CEP126: variants seen among roughly 807,000 people sequenced by gnomAD.
CEP126 encodes the protein centrosomal protein 126, also known as centrosomal protein of 126 kDa.
Under a neutral mutation model 107.8 loss-of-function variants are expected in CEP126, and 74 were observed. The observed-to-expected ratio is 0.69, with a 90% CI of 0.57 to 0.83. The LOEUF (loss-of-function observed/expected upper bound fraction) is 0.83, where lower values mean the gene tolerates loss of function less well. Ranked by LOEUF, CEP126 falls within the 40% of genes least tolerant of loss-of-function variation. CEP126 has a pLI of 0.00. For synonymous variants in CEP126, 449 were observed against 446.0 expected (o/e 1.01, Z -0.08); for missense variants, 1,237 against 1,281.9 (o/e 0.96, Z 0.53).
chr11:101,953,202 C>G (rs973661552), intron 4 of CEP126, among the ~76,000 whole-genome samples: 1 of 152,164 alleles, frequency 6.6e-6, no homozygotes, highest in African/African-American at 2.4e-5. Flanking sequence ...CTCGAGGAAA[C>G]TCAAAACTAT....
chr11:101,938,069 C>T (rs536360472), intron 2 of CEP126, among the ~76,000 whole-genome samples: 4 of 148,192 alleles, frequency 2.7e-5, no homozygotes, highest in South Asian at 4.3e-4. Context: ...AGGAGAATGG[C>T]GTGAACCCGG....
At chr11:101,995,357 A>C (rs1941430390) in intron 10 of CEP126, among the ~76,000 whole-genome samples, 1 of 152,234 alleles carries the variant, frequency 6.6e-6, no homozygotes, top group Non-Finnish European at 1.5e-5. Flanking sequence ...CTTCACATAG[A>C]AACATGAACA....
intron 7 of CEP126, among the ~76,000 whole-genome samples, chr11:101,979,928 TCTGA>T (rs1390310781): frequency 6.6e-6 from 1 of 152,144 alleles, no homozygotes; most frequent in Non-Finnish European, 1.5e-5. Context: ...TAAATATCAC[TCTGA>T]CTTTTTTTAA....
At chr11:101,940,661 G>A (rs1940650448) in intron 2 of CEP126, among the ~76,000 whole-genome samples, 1 of 152,198 alleles carries the variant, frequency 6.6e-6, no homozygotes, top group Non-Finnish European at 1.5e-5. Flanking sequence ...TCAGTCACAT[G>A]TCTTGTGCTA....
chr11:101,982,437 A>C (rs1387927834), intron 8 of CEP126, among the ~76,000 whole-genome samples: 1 of 152,196 alleles, frequency 6.6e-6, no homozygotes, highest in Admixed American at 6.5e-5. Context: ...TTTGCTATAG[A>C]CAGAAAAATA....
chr11:101,916,761 A>G (rs1040006828), intron 1 of CEP126, among the ~76,000 whole-genome samples: 1 of 152,174 alleles, frequency 6.6e-6, no homozygotes, highest in African/African-American at 2.4e-5. Flanking sequence ...TATTTTCATT[A>G]ATAAAATGGT....
intron 6 of CEP126, among the ~76,000 whole-genome samples, chr11:101,968,988 AT>A (rs1261274764): frequency 2.0e-5 from 3 of 152,062 alleles, no homozygotes; most frequent in Non-Finnish European, 2.9e-5. Flanking sequence ...TTTAACACAG[AT>A]TTTTTAATGT....
In CEP126 at chr11:101,922,765, GTAAT is replaced by G; in HGVS notation, c.248+7_248+10del. 1 of 1,607,704 alleles carries G rather than the reference GTAAT, an allele frequency of 6.2e-7. No homozygotes were observed. The highest frequency in any genetic ancestry group is 1.3e-5 in the African/African-American group (1 of 74,828). Reference sequence around the variant, plus strand: ...GGAGTCAAATCGGAGAAAAAAGTAAGTAATTGCACTTTATTCAGAAGTATAGAAA... The same window carrying G: ...GGAGTCAAATCGGAGAAAAAAGTAAGTGCACTTTATTCAGAAGTATAGAAA... On this transcript the variant is annotated splice_donor_region_variant and intron_variant, in intron 2 of 10. Coordinates refer to ENST00000263468, the MANE Select transcript of CEP126 (RefSeq NM_020802.4).
intron 6 of CEP126, among the ~76,000 whole-genome samples, chr11:101,974,794 T>A (rs1326365400): frequency 1.3e-5 from 2 of 152,204 alleles, no homozygotes; most frequent in African/African-American, 4.8e-5. Context: ...AGGTAATATT[T>A]AAGCACATGT....
rs1448417575 is a variant in CEP126 at position 101,961,937 on chromosome 11, T to A, written c.902T>A (p.Leu301Gln). Residue 301 changes from leucine (L) to glutamine (Q), a missense_variant, in exon 6 of 11, where the codon CTG (leucine) becomes CAG (glutamine). Around this residue, in one of 3 missense-constraint regions of CEP126, gnomAD observed 1,134 missense variants for 1,150.5 expected, o/e 0.99. Coordinates refer to ENST00000263468, the MANE Select transcript of CEP126 (RefSeq NM_020802.4). ...TNLSCFDEDK[L>Q]AFSKTQHINN... ...CTCAGCTGCTTTGATGAAGATAAAC[T>A]GGCATTCTCTAAAACTCAACATATA... 2 of 1,611,524 alleles carry A rather than the reference T, an allele frequency of 1.2e-6. No individual in the cohort carries two copies. Among genetic ancestry groups the A allele is most frequent in the Non-Finnish European group, 1.7e-6 (2 of 1,179,006 alleles).
Position 101,997,683 on chromosome 11 carries a change from C to A in CEP126, c.*40C>A. The stretch of plus-strand genomic sequence containing the variant: ...GTCTAAGAAGACCTTTCATGTACTT[C>A]CCTAGGACTAGATGCATACCGTTTT... On this transcript the variant is annotated 3_prime_UTR_variant, in exon 11 of 11. Transcript: ENST00000263468. The A allele has an allele frequency of 1.9e-6, 3 of 1,613,402 alleles. No individual in the cohort carries two copies. Among genetic ancestry groups the A allele is most frequent in the Non-Finnish European group, 2.5e-6 (3 of 1,179,718 alleles).
intron 10 of CEP126, among the ~76,000 whole-genome samples, chr11:101,994,421 T>C (rs1941418882): frequency 6.6e-6 from 1 of 152,226 alleles, no homozygotes; most frequent in South Asian, 2.1e-4. Flanking sequence ...GCTTTTGATG[T>C]CTTCATCATG....
intron 6 of CEP126, among the ~76,000 whole-genome samples, chr11:101,966,425 T>C (rs547063168): frequency 6.6e-6 from 1 of 152,296 alleles, no homozygotes; most frequent in South Asian, 2.1e-4. Flanking sequence ...AGTTGACGAT[T>C]GTGGAGAGCA....
At chr11:101,966,992 A>C (rs1591287335) in intron 6 of CEP126, among the ~76,000 whole-genome samples, 1 of 119,480 alleles carries the variant, frequency 8.4e-6, no homozygotes, top group African/African-American at 3.2e-5. Context: ...TATTTTCTCT[A>C]CTTTCTCATT....
At chr11:101,947,704 A>T (rs1213060467) in intron 3 of CEP126, among the ~76,000 whole-genome samples, 1 of 152,144 alleles carries the variant, frequency 6.6e-6, no homozygotes, top group Admixed American at 6.5e-5. Context: ...TCTTCATAGG[A>T]ACATTTATAA....
chr11:101,916,932 A>G (rs1288235562), intron 1 of CEP126, among the ~76,000 whole-genome samples: 1 of 152,136 alleles, frequency 6.6e-6, no homozygotes, highest in Admixed American at 6.6e-5. Flanking sequence ...TACAACACTA[A>G]AAAAGATCCT....
intron 1 of CEP126, among the ~76,000 whole-genome samples, chr11:101,918,821 A>G (rs1035157735): frequency 6.6e-6 from 1 of 152,116 alleles, no homozygotes; most frequent in Non-Finnish European, 1.5e-5. Context: ...CATCTAGTGG[A>G]GGTTAGAAAA....
At chr11:101,965,305 G>A (rs1941045811) in intron 6 of CEP126, among the ~76,000 whole-genome samples, 1 of 152,126 alleles carries the variant, frequency 6.6e-6, no homozygotes, top group Non-Finnish European at 1.5e-5. Context: ...TATAATGAGA[G>A]TTTAAAATTT....
intron 2 of CEP126, among the ~76,000 whole-genome samples, chr11:101,932,917 A>G (rs186510120): frequency 1.3e-5 from 2 of 152,318 alleles, no homozygotes; most frequent in East Asian, 3.9e-4. Context: ...CAGATACATT[A>G]TTAAATACAA....
Sources: gnomAD v4.1 joint callset for allele counts (sites outside exome capture counted in the v4.1 genomes callset) on GRCh38, gnomAD v4.1.1 for gene constraint, gnomAD v4.1.1 regional missense constraint, MANE v1.5 for transcripts, NCBI Gene and HGNC (gene_info 2026-07-23, HGNC 2026-07-21) for gene names.